The following MARCHF7 variants were observed in gnomAD, a reference collection of about 807,000 sequenced individuals.
MARCHF7 encodes the protein membrane associated ring-CH-type finger 7, also known as E3 ubiquitin-protein ligase MARCHF7.
A neutral mutation model predicts 76.5 loss-of-function variants in MARCHF7; 20 were observed. The observed-to-expected ratio is 0.26, with a 90% CI of 0.18 to 0.38. The LOEUF (loss-of-function observed/expected upper bound fraction) is 0.38, where lower values mean the gene tolerates loss of function less well. Among genes scored for constraint, MARCHF7 ranks in the 10% least tolerant of loss-of-function variants. The pLI is 1.00. For synonymous variants in MARCHF7, 295 were observed against 293.0 expected (o/e 1.01, Z -0.07); for missense variants, 797 against 812.9 (o/e 0.98, Z 0.24).
At position 159,763,831 on chromosome 2, in the gene MARCHF7, A is replaced by T. The variant is rs1432275838; in HGVS notation, c.2008-795A>T. Among the ~76,000 whole-genome samples, 5 of 152,300 alleles carry T rather than the reference A, an allele frequency of 3.3e-5. No individual in the cohort carries two copies. In the East Asian group the frequency reaches 9.6e-4, roughly 29 times the overall value. On this transcript the variant is annotated intron_variant, in intron 10 of 11. Coordinates refer to ENST00000409175, the MANE Select transcript of MARCHF7 (RefSeq NM_001282805.2). ...GTAAAAAATTTTTCTTTATTTTATC[A>T]TGTGGACATTATTCCAGTGAGCTGG...
chr2:159,763,037 A>G (rs368399446), intron 10 of MARCHF7, 44 bp downstream of exon 10: 4 of 1,245,078 alleles, frequency 3.2e-6, no homozygotes, highest in Non-Finnish European at 3.5e-6. Flanking sequence ...ATGATGCAGC[A>G]AGTGTATGCC....
intron 3 of MARCHF7, among the ~76,000 whole-genome samples, chr2:159,727,598 A>G (rs1370946627): frequency 6.6e-6 from 1 of 152,154 alleles, no homozygotes; most frequent in East Asian, 1.9e-4. Context: ...AGAAAAAAAA[A>G]GCTTTTTAAA....
At chr2:159,743,944 A>G (rs956765201) in intron 5 of MARCHF7, among the ~76,000 whole-genome samples, 1 of 150,008 alleles carries the variant, frequency 6.7e-6, no homozygotes, top group African/African-American at 2.5e-5. Context: ...CTTGAGTTAC[A>G]AAAAAATGGT....
intron 8 of MARCHF7, among the ~76,000 whole-genome samples, chr2:159,756,486 A>G (rs1156368780): frequency 6.6e-6 from 1 of 152,092 alleles, no homozygotes; most frequent in Non-Finnish European, 1.5e-5. Flanking sequence ...CAGGAGTTCA[A>G]GACCAGCCTG....
In MARCHF7 at chr2:159,764,255, TGC is replaced by T. The variant is rs1553788076; in HGVS notation, c.2008-364_2008-363del. ...GTGTGTGTGTGTGTGTGTGTGTGTG[TGC>T]GCGCGCCCACTGAAACTGAATTTAT... On this transcript the variant is annotated intron_variant, in intron 10 of 11. Coordinates refer to ENST00000409175, the MANE Select transcript of MARCHF7 (RefSeq NM_001282805.2). Among the ~76,000 whole-genome samples the T allele has an allele frequency of 8.6e-4, 113 of 131,476 alleles. 1 individual carries two copies. Among genetic ancestry groups the T allele is most frequent in the African/African-American group, 3.2e-3 (106 of 32,910 alleles). 86.3% of individuals were successfully genotyped at this position (131,476 alleles called of 152,430 possible).
At chr2:159,744,768 A>G (rs1214753962) in intron 5 of MARCHF7, among the ~76,000 whole-genome samples, 1 of 152,228 alleles carries the variant, frequency 6.6e-6, no homozygotes, top group African/African-American at 2.4e-5. Context: ...CTCTTCTGCT[A>G]TGTGAAAACG....
At chr2:159,716,916 A>G (rs1005527618) in intron 3 of MARCHF7, among the ~76,000 whole-genome samples, 1 of 152,208 alleles carries the variant, frequency 6.6e-6, no homozygotes, top group Non-Finnish European at 1.5e-5. Context: ...GACCTAGTGG[A>G]TTAAAACAAC....
At chr2:159,736,409 G>C (rs1042341384) in intron 4 of MARCHF7, among the ~76,000 whole-genome samples, 8 of 152,094 alleles carry the variant, frequency 5.3e-5, no homozygotes, top group Admixed American at 1.3e-4. Flanking sequence ...GCCGTTTACT[G>C]TACATTTTTC....
At chr2:159,754,856 A>T (rs1248446604) in intron 8 of MARCHF7, among the ~76,000 whole-genome samples, 1 of 152,186 alleles carries the variant, frequency 6.6e-6, no homozygotes, top group East Asian at 1.9e-4. Flanking sequence ...ATAAGGAGAC[A>T]GGTTAGGAGG....
In MARCHF7 at chr2:159,743,072, A is replaced by G. The variant is rs1349651498; in HGVS notation, c.165A>G (p.Ala55=). ...RLDSEYQSTS[A]SASASPFQSA... is the part of the protein sequence containing the mutation. ...TTTTGAACTCACAGTCTACATCAGC[A>G]TCAGCATCTGCGTCACCATTTCAAT... The change falls in exon 5 of 12, where the codon GCA becomes GCG. Residue 55 remains alanine, a synonymous_variant. Coordinates refer to ENST00000409175, the MANE Select transcript of MARCHF7 (RefSeq NM_001282805.2). 20 of 1,613,388 alleles carry G rather than the reference A, an allele frequency of 1.2e-5. No individual in the cohort carries two copies. The South Asian group carries it at 2.1e-4, about 17-fold the overall frequency.
At chr2:159,733,878 G>C (rs916205480) in intron 4 of MARCHF7, 2 of 1,200,980 alleles carry the variant, frequency 1.7e-6, no homozygotes, top group African/African-American at 1.6e-5. Context: ...AAGAATCCAA[G>C]ATTCTGGATA....
intron 8 of MARCHF7, among the ~76,000 whole-genome samples, chr2:159,757,055 G>T (rs1402202964): frequency 1.3e-5 from 2 of 152,006 alleles, no homozygotes; most frequent in East Asian, 3.9e-4. Flanking sequence ...CACCACCCCT[G>T]GCTAATTTTT....
At chr2:159,753,660 G>A (rs776519442) in intron 8 of MARCHF7, among the ~76,000 whole-genome samples, 1 of 152,184 alleles carries the variant, frequency 6.6e-6, no homozygotes, top group Non-Finnish European at 1.5e-5. Flanking sequence ...TAAAGAAAAA[G>A]GGAATGAAAT....
intron 10 of MARCHF7, among the ~76,000 whole-genome samples, chr2:159,764,220 G>GTCTGTGTGTC (rs1282003725): frequency 8.6e-5 from 7 of 81,716 alleles, no homozygotes; most frequent in African/African-American, 2.3e-4. Context: ...TTTTGTGTGT[G>GTCTGTGTGTC]TGTGTGTGTG....
At chr2:159,764,730 C>A in intron 11 of MARCHF7, 56 bp downstream of exon 11, 2 of 1,399,634 alleles carry the variant, frequency 1.4e-6, no homozygotes, top group South Asian at 1.2e-5. Context: ...AAATTAAACC[C>A]AAAGCAAAAC....
chr2:159,743,307 AGTT>A, intron 5 of MARCHF7, 54 bp downstream of exon 5: 2 of 1,496,890 alleles, frequency 1.3e-6, no homozygotes, highest in Non-Finnish European at 1.8e-6. Context: ...GGTGTAACAC[AGTT>A]GTTCTTAGTT....
chr2:159,733,570 GT>G (rs1175993477), intron 4 of MARCHF7: 1 of 970,444 alleles, frequency 1.0e-6, no homozygotes, highest in Non-Finnish European at 1.2e-6. Context: ...AAAAAAGATT[GT>G]TGAGGCTTTT....
intron 3 of MARCHF7, among the ~76,000 whole-genome samples, chr2:159,723,933 G>A (rs1701901228): frequency 6.6e-6 from 1 of 152,100 alleles, no homozygotes; most frequent in African/African-American, 2.4e-5. Context: ...GCTCCAGTCC[G>A]AATTGTTTGC....
Position 159,748,302 on chromosome 2 carries a change from G to A in MARCHF7, c.1012G>A (p.Asp338Asn), listed in dbSNP as rs1705151856. 1.9e-6 allele frequency: 3 copies of A among 1,613,266 alleles called. No homozygotes were observed. Among genetic ancestry groups the A allele is most frequent in the Non-Finnish European group, 2.5e-6 (3 of 1,179,898 alleles). ...TGTACCATCAGCTTCTGAAGTTCCC[G>A]ATAATAGGGCATCTGAAGCTTCTCA... ...SNVPSASEVPDNRASEASQGF... is the reference protein window; with the variant it reads ...SNVPSASEVPNNRASEASQGF... The change falls in exon 7 of 12, where the codon GAT becomes AAT. Residue 338 changes from aspartate (D) to asparagine (N), a missense_variant. Asp to Asn is a conservative substitution (Grantham distance 23). Around this residue, in one of 3 missense-constraint regions of MARCHF7, gnomAD observed 643 missense variants for 631.5 expected, o/e 1.02. Coordinates refer to ENST00000409175, the MANE Select transcript of MARCHF7 (RefSeq NM_001282805.2).
Sources: gnomAD v4.1 joint callset for allele counts (sites outside exome capture counted in the v4.1 genomes callset) on GRCh38, gnomAD v4.1.1 for gene constraint, gnomAD v4.1.1 regional missense constraint, MANE v1.5 for transcripts, NCBI Gene and HGNC (gene_info 2026-07-23, HGNC 2026-07-21) for gene names.